The following ELAVL4 variants were observed in gnomAD, a reference collection of about 807,000 sequenced individuals.
The protein encoded by ELAVL4 is ELAV-like protein 4.
In ELAVL4, 1 loss-of-function variant was observed where a neutral mutation model predicts 35.6. That is an observed-to-expected ratio of 0.03 (90% CI 0.01 to 0.13). The LOEUF (loss-of-function observed/expected upper bound fraction) is 0.13. Ranked by LOEUF, ELAVL4 falls within the 10% of genes least tolerant of loss-of-function variation. The pLI is 1.00. For missense variants in ELAVL4, 267 were observed against 464.9 expected, an observed-to-expected ratio of 0.57 and a Z score of 3.91; for synonymous variants, 156 against 171.0, an observed-to-expected ratio of 0.91 and a Z score of 0.69.
chr1:50,198,223 G>A (rs1480139618), intron 6 of ELAVL4, among the ~76,000 whole-genome samples: 4 of 152,212 alleles, frequency 2.6e-5, no homozygotes, highest in African/African-American at 9.7e-5. Flanking sequence ...CAGATTCAAA[G>A]TTTTCCAGAC....
chr1:50,164,686 C>A (rs539818931), intron 2 of ELAVL4, among the ~76,000 whole-genome samples: 2 of 152,254 alleles, frequency 1.3e-5, no homozygotes, highest in East Asian at 3.9e-4. Flanking sequence ...AAACTAAATG[C>A]CCACAGGTCT....
intron 1 of ELAVL4, among the ~76,000 whole-genome samples, chr1:50,139,731 C>T (rs1316388558): frequency 6.6e-6 from 1 of 152,084 alleles, no homozygotes; most frequent in Non-Finnish European, 1.5e-5. Flanking sequence ...TTTTAGTTTC[C>T]AAGAGCAGGA....
chr1:50,190,117 G>A (rs1682443190), intron 3 of ELAVL4, among the ~76,000 whole-genome samples: 1 of 152,220 alleles, frequency 6.6e-6, no homozygotes, highest in African/African-American at 2.4e-5. Context: ...AGTTCCAGAA[G>A]GAGGTCAGTG....
At chr1:50,165,441 T>G (rs1395528567) in intron 2 of ELAVL4, among the ~76,000 whole-genome samples, 1 of 138,180 alleles carries the variant, frequency 7.2e-6, no homozygotes, top group Non-Finnish European at 1.5e-5. Flanking sequence ...TATATATATA[T>G]AGATATAGAT....
intron 1 of ELAVL4, among the ~76,000 whole-genome samples, chr1:50,062,399 G>T (rs1664035259): frequency 6.6e-6 from 1 of 151,956 alleles, no homozygotes. Flanking sequence ...TATTTATCTG[G>T]GATGCCTGTT....
chr1:50,103,516 G>A (rs1014200167), upstream of ELAVL4, among the ~76,000 whole-genome samples: 2 of 152,054 alleles, frequency 1.3e-5, no homozygotes, highest in African/African-American at 4.8e-5. Flanking sequence ...TTTACATATA[G>A]TATACCATTT....
intron 2 of ELAVL4, among the ~76,000 whole-genome samples, chr1:50,152,765 C>T (rs533921272): frequency 8.6e-4 from 131 of 152,002 alleles, no homozygotes; most frequent in Non-Finnish European, 1.5e-3. Flanking sequence ...GTTGCTTTTT[C>T]GTTTTTTCTA....
At chr1:50,051,934 TG>T (rs1388654925) in intron 1 of ELAVL4, among the ~76,000 whole-genome samples, 1 of 152,154 alleles carries the variant, frequency 6.6e-6, no homozygotes, top group East Asian at 1.9e-4. Flanking sequence ...GCTTGTAAAA[TG>T]GCTGTCTTGT....
intron 1 of ELAVL4, among the ~76,000 whole-genome samples, chr1:50,063,536 C>T (rs910963485): frequency 6.6e-6 from 1 of 152,178 alleles, no homozygotes; most frequent in African/African-American, 2.4e-5. Flanking sequence ...AGCATTTGCA[C>T]TCATCTATTT....
intron 1 of ELAVL4, among the ~76,000 whole-genome samples, chr1:50,059,945 G>T (rs1204051013): frequency 1.3e-5 from 2 of 152,162 alleles, no homozygotes; most frequent in Non-Finnish European, 2.9e-5. Context: ...AGGGGTTAGG[G>T]AGCAGGGGTG....
intron 1 of ELAVL4, among the ~76,000 whole-genome samples, chr1:50,073,137 C>T (rs2148488801): frequency 6.6e-6 from 1 of 152,318 alleles, no homozygotes; most frequent in African/African-American, 2.4e-5. Flanking sequence ...TTTGCACAGA[C>T]ACACAGTCTC....
At chr1:50,097,412 TA>T (rs1241479996) in intron 1 of ELAVL4, among the ~76,000 whole-genome samples, 3 of 152,220 alleles carry the variant, frequency 2.0e-5, no homozygotes, top group Admixed American at 6.5e-5. Context: ...GTTTGCTAAT[TA>T]AAAACTACTT....
chr1:50,076,405 T>G (rs1664767323), intron 1 of ELAVL4, among the ~76,000 whole-genome samples: 1 of 152,218 alleles, frequency 6.6e-6, no homozygotes, highest in Non-Finnish European at 1.5e-5. Flanking sequence ...TCTATTTTAT[T>G]ATTAGTTATT....
chr1:50,123,239 A>G (rs945061827), intron 1 of ELAVL4, among the ~76,000 whole-genome samples: 7 of 152,050 alleles, frequency 4.6e-5, no homozygotes, highest in African/African-American at 1.4e-4. Flanking sequence ...TGTTGACACA[A>G]TGTTACCTTA....
rs185748752 is a variant in ELAVL4, at chr1:50,131,408, T to C, written c.10-13549T>C. Among the ~76,000 whole-genome samples the C allele has an allele frequency of 2.7e-3, 404 of 152,286 alleles. 1 individual carries two copies. Among genetic ancestry groups the C allele is most frequent in the Middle Eastern group, 0.014 (4 of 294 alleles). ...AGGCAAAAGATTGTGAAGACAGAAA[T>C]ACTAACTTATTTATTCTCTTATAAT... On this transcript the variant is annotated intron_variant, in intron 1 of 6. Coordinates refer to ENST00000371824, the MANE Select transcript of ELAVL4 (RefSeq NM_001144774.3).
In ELAVL4 at chr1:50,059,731, G is replaced by GCATAAACAATGGATGAATGCATAAA. The variant is rs371761845; in HGVS notation, c.18+11558_18+11559insTGGATGAATGCATAAACATAAACAA. 1.9e-3 allele frequency among the ~76,000 whole-genome samples: 289 copies of GCATAAACAATGGATGAATGCATAAA among 152,236 alleles called. 2 individuals are homozygous for GCATAAACAATGGATGAATGCATAAA. The highest frequency in any genetic ancestry group is 9.7e-3 in the South Asian group (47 of 4,824). ...CCCAGATGTCCATGAATGGATGAAT[G>GCATAAACAATGGATGAATGCATAAA]CATAAACAAATTGTTTTATATAATG... is the stretch of plus-strand genomic sequence containing the variant. On this transcript the variant is annotated intron_variant, in intron 1 of 6. Transcript: ENST00000448907.
At chr1:50,117,335 A>G (rs1279578933) in intron 1 of ELAVL4, among the ~76,000 whole-genome samples, 6 of 152,148 alleles carry the variant, frequency 3.9e-5, no homozygotes, top group African/African-American at 9.6e-5. Context: ...CGCTATTACC[A>G]TGCCTTTGTT....
At chr1:50,139,440 G>A (rs1313803011) in intron 1 of ELAVL4, among the ~76,000 whole-genome samples, 2 of 152,164 alleles carry the variant, frequency 1.3e-5, no homozygotes, top group Admixed American at 6.5e-5. Context: ...TAAAATTACA[G>A]GGTTGGGCTT....
upstream of ELAVL4, chr1:50,108,827 T>A: frequency 1.3e-6 from 1 of 773,888 alleles, no homozygotes; most frequent in Non-Finnish European, 1.6e-6. Context: ...TAGCACCTGA[T>A]GTTGCAACGC....
Sources: allele counts gnomAD v4.1 joint callset (sites outside exome capture counted in the v4.1 genomes callset), GRCh38; gene constraint gnomAD v4.1.1; transcripts MANE v1.5; gene names NCBI Gene and HGNC (gene_info 2026-07-23, HGNC 2026-07-21).